Variants in GPHN observed in about 807,000 individuals in gnomAD.
GPHN encodes the protein gephyrin.
A neutral mutation model predicts 95.5 loss-of-function variants in GPHN; 17 were observed. The ratio of observed to expected loss-of-function variants is 0.18; its 90% CI spans 0.12 to 0.27. GPHN has a LOEUF of 0.27. Ranked by LOEUF, GPHN falls within the 10% of genes least tolerant of loss-of-function variation. The pLI is 1.00. For missense variants in GPHN, 660 were observed against 978.1 expected, an observed-to-expected ratio of 0.67 and a Z score of 4.34; for synonymous variants, 320 against 322.5, an observed-to-expected ratio of 0.99 and a Z score of 0.08.
At chr14:67,719,104 C>T in the GPHN span, among the ~76,000 whole-genome samples, 1 of 152,194 alleles carries the variant, frequency 6.6e-6, no homozygotes, top group South Asian at 2.1e-4. Flanking sequence ...GGGGACTCCT[C>T]ATATCGGAGT....
chr14:66,853,432 T>C (rs1220485873), intron 4 of GPHN, among the ~76,000 whole-genome samples: 1 of 152,218 alleles, frequency 6.6e-6, no homozygotes, highest in African/African-American at 2.4e-5. Flanking sequence ...GAGACATACC[T>C]GAGACTGGGT....
intron 2 of GPHN, among the ~76,000 whole-genome samples, chr14:66,694,181 AT>A (rs1224527418): frequency 2.6e-5 from 4 of 152,260 alleles, no homozygotes; most frequent in Middle Eastern, 3.4e-3. Context: ...GACCTCATGA[AT>A]TGGATTAGTG....
intron 3 of GPHN, among the ~76,000 whole-genome samples, chr14:66,818,672 C>T (rs547773551): frequency 7.2e-5 from 11 of 152,240 alleles, no homozygotes; most frequent in Admixed American, 2.6e-4. Flanking sequence ...TTTGAGGAAT[C>T]GCGACACTGT....
At chr14:67,428,795 C>T in the GPHN span, among the ~76,000 whole-genome samples, 2 of 152,194 alleles carry the variant, frequency 1.3e-5, no homozygotes, top group East Asian at 1.9e-4. Context: ...TATCATCTGC[C>T]GGCTGCTCCT....
the GPHN span, chr14:67,593,689 G>C: frequency 6.9e-6 from 7 of 1,014,538 alleles, no homozygotes; most frequent in Non-Finnish European, 1.1e-5. Flanking sequence ...AACATCCCAT[G>C]GGCTGGCTAC....
chr14:67,659,474 T>C, the GPHN span, among the ~76,000 whole-genome samples: 1 of 152,062 alleles, frequency 6.6e-6, no homozygotes, highest in Admixed American at 6.6e-5. Flanking sequence ...AAGCACTGTT[T>C]TTTTTTTATT....
intron 4 of GPHN, among the ~76,000 whole-genome samples, chr14:66,863,422 C>G (rs1481788879): frequency 6.6e-6 from 1 of 151,964 alleles, no homozygotes; most frequent in Non-Finnish European, 1.5e-5. Context: ...TCAATGCAAT[C>G]CCTATCAAAA....
the GPHN span, among the ~76,000 whole-genome samples, chr14:67,659,320 T>C: frequency 1.3e-5 from 2 of 152,182 alleles, no homozygotes; most frequent in African/African-American, 4.8e-5. Flanking sequence ...ATTAGAAACC[T>C]AACTGAATTT....
chr14:66,752,676 A>T (rs1221165294), intron 2 of GPHN, among the ~76,000 whole-genome samples: 1 of 152,122 alleles, frequency 6.6e-6, no homozygotes, highest in East Asian at 1.9e-4. Flanking sequence ...AAAGTTTTAA[A>T]TACTACGAGA....
chr14:67,009,715 AT>A (rs899306131), intron 9 of GPHN, among the ~76,000 whole-genome samples: 1 of 152,086 alleles, frequency 6.6e-6, no homozygotes, highest in Non-Finnish European at 1.5e-5. Flanking sequence ...TTTGAATTTT[AT>A]AATTTTTTGA....
chr14:67,317,551 T>A, the GPHN span: 1 of 952,932 alleles, frequency 1.0e-6, no homozygotes, highest in Non-Finnish European at 1.6e-6. Flanking sequence ...TTTTGCACCT[T>A]AATGTTAAAT....
intron 1 of GPHN, among the ~76,000 whole-genome samples, chr14:66,576,227 C>G (rs777041789): frequency 6.6e-6 from 1 of 152,172 alleles, no homozygotes; most frequent in Non-Finnish European, 1.5e-5. Flanking sequence ...TCTGTGCTGG[C>G]TAGCTTGGAG....
chr14:66,763,593 G>A, intron 2 of GPHN, among the ~76,000 whole-genome samples: 1 of 151,618 alleles, frequency 6.6e-6, no homozygotes, highest in Non-Finnish European at 1.5e-5. Flanking sequence ...TGGCTGCATA[G>A]TATTCCATGG....
At chr14:67,111,302 C>T (rs2078358922) in intron 14 of GPHN, among the ~76,000 whole-genome samples, 3 of 152,192 alleles carry the variant, frequency 2.0e-5, no homozygotes, top group Non-Finnish European at 4.4e-5. Context: ...CAGACTCTGC[C>T]AGATGACAAG....
chr14:67,172,988 A>G (rs764516707), intron 21 of GPHN, among the ~76,000 whole-genome samples: 11 of 152,068 alleles, frequency 7.2e-5, no homozygotes, highest in Non-Finnish European at 1.6e-4. Flanking sequence ...TCCAGGGGCA[A>G]CCCTTCTTCT....
chr14:67,473,929 C>T, the GPHN span: 1 of 1,594,842 alleles, frequency 6.3e-7, no homozygotes, highest in Non-Finnish European at 8.5e-7. This position sits in a 1 kb window ranked among gnomAD's most constrained non-coding sequence, Gnocchi z 6.5. Flanking sequence ...GCCATGGCGC[C>T]GACTGGGGCT....
At chr14:67,571,585 C>A in the GPHN span, 1 of 617,916 alleles carries the variant, frequency 1.6e-6, no homozygotes, top group South Asian at 1.9e-5. Context: ...GAGGTCATGA[C>A]ACAGGAGTGA....
the GPHN span, among the ~76,000 whole-genome samples, chr14:67,480,903 C>T: frequency 6.6e-6 from 1 of 152,140 alleles, no homozygotes; most frequent in Non-Finnish European, 1.5e-5. Flanking sequence ...CAGCAAGTAA[C>T]TTGGGAGAGT....
chr14:67,024,550 T>C (rs1392707962), intron 10 of GPHN, among the ~76,000 whole-genome samples: 1 of 152,236 alleles, frequency 6.6e-6, no homozygotes, highest in African/African-American at 2.4e-5. Context: ...TGTGTTATAC[T>C]CCTGGTTATG....
Sources: allele counts gnomAD v4.1 joint callset (sites outside exome capture counted in the v4.1 genomes callset), GRCh38; gene constraint gnomAD v4.1.1; non-coding constraint Gnocchi (gnomAD v3.1); transcripts MANE v1.5; gene names NCBI Gene and HGNC (gene_info 2026-07-23, HGNC 2026-07-21).